AKAP19: variants seen among roughly 807,000 people sequenced by gnomAD.
AKAP19 encodes the protein small A-kinase anchoring protein.
the AKAP19 span, among the ~76,000 whole-genome samples, chr2:190,123,252 G>T: frequency 8.5e-5 from 13 of 152,064 alleles, no homozygotes; most frequent in African/African-American, 3.1e-4. Context: ...TTAAGAATTT[G>T]TTCAGTGTTT....
the AKAP19 span, among the ~76,000 whole-genome samples, chr2:190,034,534 C>CA: frequency 0.2 from 13,474 of 68,232 alleles, 3,943 homozygotes; most frequent in African/African-American, 0.25. Flanking sequence ...GGCTACAGTG[C>CA]AAAAAAAAAA....
the AKAP19 span, among the ~76,000 whole-genome samples, chr2:190,075,282 T>C: frequency 6.6e-6 from 1 of 152,328 alleles, no homozygotes; most frequent in Non-Finnish European, 1.5e-5. Context: ...TTTACATTTA[T>C]TAAAAATGGT....
chr2:190,185,235 G>T, the AKAP19 span, among the ~76,000 whole-genome samples: 10 of 152,300 alleles, frequency 6.6e-5, no homozygotes, highest in African/African-American at 2.2e-4. Flanking sequence ...AAGACTAATA[G>T]AAATTGAATT....
the AKAP19 span, among the ~76,000 whole-genome samples, chr2:189,981,109 G>A: frequency 6.6e-6 from 1 of 152,098 alleles, no homozygotes; most frequent in African/African-American, 2.4e-5. Context: ...GCTGTCAATG[G>A]GGTTGTTGAA....
At chr2:189,965,488 T>C in the AKAP19 span, among the ~76,000 whole-genome samples, 2 of 151,850 alleles carry the variant, frequency 1.3e-5, no homozygotes, top group South Asian at 4.2e-4. Flanking sequence ...ATGGACCAAG[T>C]ACATGAATAG....
the AKAP19 span, among the ~76,000 whole-genome samples, chr2:189,981,682 T>C: frequency 2.0e-5 from 3 of 152,238 alleles, no homozygotes; most frequent in African/African-American, 7.2e-5. Context: ...TAGCATTTCT[T>C]GTAGTTTCAG....
the AKAP19 span, among the ~76,000 whole-genome samples, chr2:190,018,120 T>C: frequency 1.3e-5 from 2 of 152,180 alleles, no homozygotes; most frequent in African/African-American, 4.8e-5. Flanking sequence ...TTATGTGTCA[T>C]GGTGAACTCC....
the AKAP19 span, chr2:190,060,082 C>T: frequency 6.2e-7 from 1 of 1,612,390 alleles, no homozygotes; most frequent in Non-Finnish European, 8.5e-7. Flanking sequence ...TCTCCTGGTC[C>T]TGGGAAGGTT....
At chr2:190,189,198 T>C in the AKAP19 span, among the ~76,000 whole-genome samples, 6 of 152,204 alleles carry the variant, frequency 3.9e-5, no homozygotes, top group Non-Finnish European at 8.8e-5. Context: ...GAAGGAGCTA[T>C]CTTGGTCTTT....
the AKAP19 span, among the ~76,000 whole-genome samples, chr2:190,112,253 A>T: frequency 6.6e-6 from 1 of 152,196 alleles, no homozygotes; most frequent in East Asian, 1.9e-4. Context: ...ACATTTATTT[A>T]TTGTTGATTT....
At chr2:189,965,666 T>TGTGAAAAGTGTGGTGTG in the AKAP19 span, among the ~76,000 whole-genome samples, 3 of 151,768 alleles carry the variant, frequency 2.0e-5, no homozygotes, top group African/African-American at 7.3e-5. Flanking sequence ...TTGGTGTGGA[T>TGTGAAAAGTGTGGTGTG]GTGGTGAAAA....
the AKAP19 span, among the ~76,000 whole-genome samples, chr2:190,195,941 C>CAT: frequency 1.2e-5 from 1 of 86,210 alleles, no homozygotes; most frequent in Non-Finnish European, 2.3e-5. Context: ...CTGTGTCCAG[C>CAT]TTTTTTTTTT....
At chr2:190,190,869 A>C in the AKAP19 span, among the ~76,000 whole-genome samples, 1 of 152,182 alleles carries the variant, frequency 6.6e-6, no homozygotes, top group African/African-American at 2.4e-5. Flanking sequence ...CCACCACCAC[A>C]ATCGGGATAA....
chr2:190,075,448 C>T, the AKAP19 span, among the ~76,000 whole-genome samples: 1 of 152,140 alleles, frequency 6.6e-6, no homozygotes, highest in Non-Finnish European at 1.5e-5. Flanking sequence ...TGCTCCAACT[C>T]TAATGATGAA....
the AKAP19 span, among the ~76,000 whole-genome samples, chr2:190,109,537 C>A: frequency 6.6e-6 from 1 of 152,078 alleles, no homozygotes; most frequent in East Asian, 1.9e-4. Context: ...CCACCATATG[C>A]CTGCCTCTTG....
chr2:190,076,783 C>T, the AKAP19 span, among the ~76,000 whole-genome samples: 1 of 152,090 alleles, frequency 6.6e-6, no homozygotes, highest in Non-Finnish European at 1.5e-5. Context: ...GCTTTGGATT[C>T]ATTGAGTTTT....
the AKAP19 span, among the ~76,000 whole-genome samples, chr2:190,023,631 C>T: frequency 2.6e-5 from 4 of 151,368 alleles, no homozygotes; most frequent in South Asian, 2.1e-4. Flanking sequence ...TTTACAAAGT[C>T]GAATTTTTAA....
the AKAP19 span, among the ~76,000 whole-genome samples, chr2:190,190,712 G>C: frequency 1.3e-5 from 2 of 151,954 alleles, no homozygotes; most frequent in African/African-American, 2.4e-5. Context: ...TAAGCACTGG[G>C]GTTTTTTAAA....
chr2:190,194,897 G>C, the AKAP19 span, among the ~76,000 whole-genome samples: 1 of 152,118 alleles, frequency 6.6e-6, no homozygotes, highest in Non-Finnish European at 1.5e-5. Flanking sequence ...CAGTCACCCA[G>C]GCTGGAGTGC....
Sources: gnomAD v4.1 joint callset for allele counts (sites outside exome capture counted in the v4.1 genomes callset) on GRCh38, gnomAD v4.1.1 for gene constraint, MANE v1.5 for transcripts, NCBI Gene and HGNC (gene_info 2026-07-23, HGNC 2026-07-21) for gene names.